Variants in INF2 observed in about 807,000 individuals in gnomAD.
INF2 encodes the protein inverted formin 2, also known as inverted formin-2.
A neutral mutation model predicts 123.5 loss-of-function variants in INF2; 43 were observed. The observed-to-expected ratio is 0.35, with a 90% confidence interval of 0.27 to 0.45. The LOEUF (loss-of-function observed/expected upper bound fraction) is 0.45, where lower values mean the gene tolerates loss of function less well. INF2 is among the 20% of genes least tolerant of loss of function. The probability of loss-of-function intolerance (pLI) is 1.00; values close to 1 mark genes in which losing one functional copy is unlikely to be tolerated. For missense variants in INF2, 1,453 were observed against 1,682.7 expected (o/e 0.86, Z 2.39); for synonymous variants, 851 against 745.0 (o/e 1.14, Z -2.32).
rs1890545067 is a variant in INF2 at position 104,721,192 on chromosome 14, GCGTAGTCT to G, written c.*2403_*2410del. On this transcript the variant is annotated 3_prime_UTR_variant, in exon 23 of 23. Transcript: ENST00000392634. ...CGTGTGGATGCTGCTATGGACGTCT[GCGTAGTCT>G]CGTGTGGATGCTGCTGTGGACGTCT... 1 of 137,002 alleles carries G rather than the reference GCGTAGTCT, an allele frequency of 7.3e-6. No individual in the cohort carries two copies. The highest frequency in any genetic ancestry group is 2.8e-5 in the African/African-American group (1 of 35,332). 8.5% of individuals were successfully genotyped at this position (137,002 alleles called of 1,614,324 possible).
chr14:104,713,482 C>G lies in INF2; in HGVS notation c.2916C>G (p.Val972=). The G allele has an allele frequency of 6.2e-7, 1 of 1,611,608 alleles. No individual in the cohort carries two copies. The highest frequency in any genetic ancestry group is 1.1e-5 in the South Asian group (1 of 90,754). Residue 972 remains valine, a synonymous_variant, in exon 20 of 23, where the codon GTC becomes GTG. Transcript: ENST00000392634. ...CCGGGAAGCAGGAGGAGGTGTGTGT[C>G]ATCGATGCCCTGCTGGCTGACATCA... ...KGPGKQEEVC[V]IDALLADIRK... is the part of the protein sequence containing the mutation.
chr14:104,682,561 G>T (rs1039482527), intron 1 of INF2, among the ~76,000 whole-genome samples: 5 of 152,182 alleles, frequency 3.3e-5, no homozygotes, highest in African/African-American at 1.2e-4. Flanking sequence ...CGTGGGGAAG[G>T]CAGAGCGGGC....
At chr14:104,716,284 A>T (rs1435141981) in intron 22 of INF2, among the ~76,000 whole-genome samples, 1 of 152,234 alleles carries the variant, frequency 6.6e-6, no homozygotes, top group African/African-American at 2.4e-5. Flanking sequence ...CAGAGGCAAG[A>T]GCAGTCGTGA....
intron 1 of INF2, among the ~76,000 whole-genome samples, chr14:104,682,823 C>A (rs1031222742): frequency 1.3e-5 from 2 of 152,122 alleles, no homozygotes; most frequent in Non-Finnish European, 2.9e-5. Flanking sequence ...CCCCCCCGGA[C>A]AAGTCTAGCC....
rs548739575 is a variant in INF2 at position 104,709,137 on chromosome 14, G to C, written c.1950-144G>C. 66 of 663,432 alleles carry C rather than the reference G, an allele frequency of 9.9e-5. No individual in the cohort carries two copies. The African/African-American group carries it at 1.1e-3, about 11-fold the overall frequency. The allele number at this position is 663,432 out of a possible 1,614,324, so 41.1% of individuals were successfully genotyped here. ...GGTCCCCTTCACCGCGTGACCGTGG[G>C]CAACAACTCGACTGTTCTGTGTCCC... On this transcript the variant is annotated intron_variant, in intron 10 of 22. Transcript: ENST00000392634.
In INF2 at chr14:104,714,593, A is replaced by T; in HGVS notation, c.3431A>T (p.Glu1144Val). 1.9e-6 allele frequency: 3 copies of T among 1,612,616 alleles called. No homozygotes were observed. ...PTSLLGVLQA[E>V]ADSTSEGLED... The stretch of plus-strand genomic sequence containing the variant: ...TCCTTGCTGGGCGTCCTCCAGGCCG[A>T]GGCCGACAGCACAAGTGAGGGGCTG... The change falls in exon 21 of 23, where the codon GAG becomes GTG. Residue 1144 changes from glutamate (E) to valine (V), a missense_variant. Physicochemically the swap from Glu to Val is moderately radical, Grantham distance 121. Coordinates refer to ENST00000392634, the MANE Select transcript of INF2 (RefSeq NM_022489.4).
intron 1 of INF2, among the ~76,000 whole-genome samples, chr14:104,698,274 G>A (rs1009065293): frequency 2.0e-5 from 3 of 152,308 alleles, no homozygotes; most frequent in South Asian, 2.1e-4. Flanking sequence ...CCATAGCCCC[G>A]TGCCCCTGAG....
In INF2 at chr14:104,699,361, AG is replaced by A. The variant is rs1889360636; in HGVS notation, c.-9-1995del. 1.0e-6 allele frequency: 1 copy of A among 983,320 alleles called. No homozygotes were observed. The highest frequency in any genetic ancestry group is 1.8e-5 in the African/African-American group (1 of 57,120). The allele number at this position is 983,320 out of a possible 1,614,324, so 60.9% of individuals were successfully genotyped here. ...TTCTGGGGCCTCTTTAGGCAGCAAC[AG>A]CCAAGGCGGGTGGGAATATATGCAG... is the stretch of plus-strand genomic sequence containing the variant. On this transcript the variant is annotated intron_variant, in intron 1 of 22. Coordinates refer to ENST00000392634, the MANE Select transcript of INF2 (RefSeq NM_022489.4). The surrounding 1 kb of genome is among the most constrained non-coding windows in gnomAD (Gnocchi z 4.7).
chr14:104,689,107 C>A, upstream of INF2: 1 of 673,112 alleles, frequency 1.5e-6, no homozygotes, highest in Non-Finnish European at 1.8e-6. Context: ...GGAGAGGAGG[C>A]CACATGGGTG....
At chr14:104,691,844 G>A (rs1042640713) in intron 1 of INF2, among the ~76,000 whole-genome samples, 8 of 152,136 alleles carry the variant, frequency 5.3e-5, no homozygotes, top group African/African-American at 1.9e-4. Flanking sequence ...TGCCTGGTCT[G>A]CCTCTGAGCA....
Position 104,707,794 on chromosome 14 carries a change from TA to T in INF2, c.1528del (p.Met510TrpfsTer48). The T allele has an allele frequency of 1.4e-6, 1 of 712,336 alleles. No homozygotes were observed. Among genetic ancestry groups the T allele is most frequent in the Non-Finnish European group, 2.2e-6 (1 of 445,728 alleles). The allele number at this position is 712,336 out of a possible 1,614,324, so 44.1% of individuals were successfully genotyped here. ...CCCCACCCCCACCCCTGCTGCCTGG[TA>T]TGGGCTGGGGCCCTCCTCCACCCCC... ...PPPPPPLLPG[M>X]GWGPPPPPPP... On this transcript the variant is annotated frameshift_variant, in exon 8 of 23. Transcript: ENST00000392634. LOFTEE classifies it high-confidence loss of function.
In INF2 at chr14:104,707,827, A is replaced by G. The variant is rs1595171594; in HGVS notation, c.1560A>G (p.Pro520=). 4 of 1,262,922 alleles carry G rather than the reference A, an allele frequency of 3.2e-6. No individual in the cohort carries two copies. Among genetic ancestry groups the G allele is most frequent in the Non-Finnish European group, 4.1e-6 (4 of 979,740 alleles). 78.2% of individuals were successfully genotyped at this position (1,262,922 alleles called of 1,614,324 possible). A position where few individuals can be genotyped will look rare whatever the true frequency, so the allele number is the denominator to read the frequency against. The change falls in exon 8 of 23, where the codon CCA becomes CCG. Residue 520 remains proline (P), a synonymous_variant. Coordinates refer to ENST00000392634, the MANE Select transcript of INF2 (RefSeq NM_022489.4). ...MGWGPPPPPP[P]LLPCTCSPPV... is the part of the protein sequence containing the mutation. ...GGGGCCCTCCTCCACCCCCACCTCC[A>G]CTACTGCCCTGCACCTGCAGCCCCC...
rs552805422 is a variant in INF2 at position 104,721,508 on chromosome 14, C to G, written c.*2715C>G. 3 of 153,520 alleles carry G rather than the reference C, an allele frequency of 2.0e-5. No homozygotes were observed. Among genetic ancestry groups the G allele is most frequent in the Admixed American group, 1.3e-4 (2 of 15,302 alleles). 9.5% of individuals were successfully genotyped at this position (153,520 alleles called of 1,614,324 possible). On this transcript the variant is annotated 3_prime_UTR_variant, in exon 23 of 23. Transcript: ENST00000392634. The stretch of plus-strand genomic sequence containing the variant: ...GTAGCGGAGGAACAACTGGGCGACA[C>G]GCTAAGTTTATGTTTAACTTTTTAA...
chr14:104,683,182 A>AT (rs2140569315), intron 1 of INF2, among the ~76,000 whole-genome samples: 1 of 104,670 alleles, frequency 9.6e-6, no homozygotes, highest in African/African-American at 3.6e-5. Flanking sequence ...GGTGGCTGCA[A>AT]TGGGGGAGGG....
Position 104,701,779 on chromosome 14 carries a change from C to T in INF2, c.391+23C>T, listed in dbSNP as rs918089090. On this transcript the variant is annotated intron_variant, in intron 2 of 22. Coordinates refer to ENST00000392634, the MANE Select transcript of INF2 (RefSeq NM_022489.4). ...AGGGTGAGCCGCAGTGTGGGAGGGC[C>T]GCCCAGGCGGACGCTGGGGACCTGG... is the stretch of plus-strand genomic sequence containing the variant. 7 of 1,465,298 alleles carry T rather than the reference C, an allele frequency of 4.8e-6. No homozygotes were observed. The East Asian group carries it at 1.2e-4, about 26-fold the overall frequency. The allele number at this position is 1,465,298 out of a possible 1,614,324, so 90.8% of individuals were successfully genotyped here. A position where few individuals can be genotyped will look rare whatever the true frequency, so the allele number is the denominator to read the frequency against.
chr14:104,713,614 C>G lies in INF2; in HGVS notation c.3040+8C>G, dbSNP rs762306394. ...CAAGAGCCACAGAGCCTGGTAAGAC[C>G]CTCTCCCACTGCCTCCTCATGGTCC... On this transcript the variant is annotated splice_region_variant and intron_variant, in intron 20 of 22. Transcript: ENST00000392634. 2 of 1,611,704 alleles carry G rather than the reference C, an allele frequency of 1.2e-6. No individual in the cohort carries two copies. The highest frequency in any genetic ancestry group is 1.7e-6 in the Non-Finnish European group (2 of 1,179,172).
intron 5 of INF2, 95 bp downstream of exon 5, chr14:104,704,044 G>A: frequency 6.3e-7 from 1 of 1,588,278 alleles, no homozygotes; most frequent in Non-Finnish European, 8.5e-7. Context: ...CACCTAAGCA[G>A]CACCTCCAGA....
intron 22 of INF2, among the ~76,000 whole-genome samples, chr14:104,718,351 C>T (rs933370051): frequency 3.3e-5 from 5 of 152,218 alleles, no homozygotes; most frequent in African/African-American, 1.2e-4. Flanking sequence ...GCTGTTGGGG[C>T]AGGGCTGAGC....
At chr14:104,703,050 A>T in intron 2 of INF2, 55 bp from the exon 3 acceptor site, 1 of 1,416,696 alleles carries the variant, frequency 7.1e-7, no homozygotes, top group Non-Finnish European at 9.9e-7. Flanking sequence ...CCAGCTGCAC[A>T]GGCATGGGAA....
Sources: allele counts gnomAD v4.1 joint callset (sites outside exome capture counted in the v4.1 genomes callset), GRCh38; gene constraint gnomAD v4.1.1; non-coding constraint Gnocchi (gnomAD v3.1); transcripts MANE v1.5; gene names NCBI Gene and HGNC (gene_info 2026-07-23, HGNC 2026-07-21).